The following PPFIBP1 variants were observed in gnomAD, a reference collection of about 807,000 sequenced individuals.
PPFIBP1 encodes the protein PPFIB scaffold protein 1.
A neutral mutation model predicts 137.8 loss-of-function variants in PPFIBP1; 112 were observed. The ratio of observed to expected loss-of-function variants is 0.81; its 90% CI spans 0.70 to 0.95. The LOEUF is 0.95. PPFIBP1 is among the 40% of genes least tolerant of loss of function. The pLI, the probability that PPFIBP1 is intolerant of heterozygous loss-of-function variation, is 0.00. For synonymous variants in PPFIBP1, 378 were observed against 417.3 expected (o/e 0.91, Z 1.15); for missense variants, 1,083 against 1,196.6 (o/e 0.91, Z 1.40).
chr12:27,590,097 G>C (rs1187554647), intron 2 of PPFIBP1, among the ~76,000 whole-genome samples: 2 of 152,144 alleles, frequency 1.3e-5, no homozygotes, highest in African/African-American at 4.8e-5. Context: ...ATATAGACAG[G>C]ATACATTAAA....
At chr12:27,647,498 C>A (rs566851642) in intron 5 of PPFIBP1, among the ~76,000 whole-genome samples, 12 of 152,280 alleles carry the variant, frequency 7.9e-5, no homozygotes, top group South Asian at 4.1e-4. Context: ...ATTGTACATT[C>A]CTAATCTACA....
At chr12:27,681,174 T>G (rs1440868327) in intron 21 of PPFIBP1, among the ~76,000 whole-genome samples, 4 of 152,226 alleles carry the variant, frequency 2.6e-5, no homozygotes, top group Non-Finnish European at 5.9e-5. Context: ...CTGCTAAAGT[T>G]AGTTCAAATT....
At chr12:27,654,012 G>A (rs1426426948) in intron 7 of PPFIBP1, among the ~76,000 whole-genome samples, 1 of 152,168 alleles carries the variant, frequency 6.6e-6, no homozygotes, top group Non-Finnish European at 1.5e-5. Context: ...TTGCTAAAAT[G>A]TATGCACATA....
chr12:27,592,326 G>A, intron 2 of PPFIBP1: 1 of 565,400 alleles, frequency 1.8e-6, no homozygotes, highest in Non-Finnish European at 3.1e-6. Context: ...AAGATGGTGT[G>A]CTGGAAGAGG....
chr12:27,692,896 A>G lies in PPFIBP1; in HGVS notation c.*14A>G. ...TCAAACGTTTGACCGTAGCACCTGGATGAACATTAGGAGTGCTTAGTCTTT... is the reference window on the plus strand; with the variant it reads ...TCAAACGTTTGACCGTAGCACCTGGGTGAACATTAGGAGTGCTTAGTCTTT... On this transcript the variant is annotated 3_prime_UTR_variant, in exon 30 of 30. Coordinates refer to ENST00000228425, the MANE Select transcript of PPFIBP1 (RefSeq NM_003622.4). 1 of 1,614,022 alleles carries G rather than the reference A, an allele frequency of 6.2e-7. No individual in the cohort carries two copies. Among genetic ancestry groups the G allele is most frequent in the Non-Finnish European group, 8.5e-7 (1 of 1,179,976 alleles).
intron 2 of PPFIBP1, among the ~76,000 whole-genome samples, chr12:27,631,590 A>G (rs910171564): frequency 1.3e-5 from 2 of 152,204 alleles, no homozygotes; most frequent in Non-Finnish European, 2.9e-5. Flanking sequence ...TATTAAATGA[A>G]GGGATTCGTC....
At chr12:27,657,359 C>A (rs1447272667) in intron 9 of PPFIBP1, among the ~76,000 whole-genome samples, 3 of 151,770 alleles carry the variant, frequency 2.0e-5, no homozygotes, top group Admixed American at 6.6e-5. Context: ...GAATGAAATA[C>A]ATTTTTAAAA....
At chr12:27,617,801 G>A (rs1247377358) in intron 2 of PPFIBP1, among the ~76,000 whole-genome samples, 1 of 152,146 alleles carries the variant, frequency 6.6e-6, no homozygotes, top group Admixed American at 6.6e-5. Context: ...GTATGTATAT[G>A]AGTAAATGTA....
chr12:27,679,042 T>C (rs977060028), intron 19 of PPFIBP1, among the ~76,000 whole-genome samples: 6 of 151,834 alleles, frequency 4.0e-5, no homozygotes, highest in African/African-American at 1.5e-4. Flanking sequence ...ATTTAGAATA[T>C]AATCTTAAAG....
chr12:27,549,838 GGTCTGACACCCTCACCAGGGAGA>G lies in PPFIBP1; in HGVS notation c.-124+25476_-124+25498del, dbSNP rs528285096. Among the ~76,000 whole-genome samples the G allele has an allele frequency of 2.7e-4, 41 of 152,226 alleles. 1 individual carries two copies. The South Asian group carries it at 8.5e-3, about 32-fold the overall frequency. On this transcript the variant is annotated intron_variant, in intron 1 of 29. Transcript: ENST00000228425. Reference sequence around the variant, plus strand: ...GGCCCCCATTCACCTGGTGTAGGAGGGTCTGACACCCTCACCAGGGAGAGTGCTATTTGGCTGTTTTGAAGGCG... The same window carrying G: ...GGCCCCCATTCACCTGGTGTAGGAGGGTGCTATTTGGCTGTTTTGAAGGCG...
At position 27,691,713 on chromosome 12, in the gene PPFIBP1, ATCCTTTGG is replaced by A. The variant is rs1325421726; in HGVS notation, c.2686-35_2686-28del. The A allele has an allele frequency of 1.9e-6, 3 of 1,566,084 alleles. No homozygotes were observed. In the African/African-American group the frequency reaches 4.1e-5, roughly 21 times the overall value. On this transcript the variant is annotated intron_variant, in intron 27 of 29. Coordinates refer to ENST00000228425, the MANE Select transcript of PPFIBP1 (RefSeq NM_003622.4). The stretch of plus-strand genomic sequence containing the variant: ...GCCTTGATTATATGAATTTTATCAA[ATCCTTTGG>A]ATGTTTTTGTTTGCTTTTCTTTTAA...
At chr12:27,629,150 A>G (rs1343937061) in intron 2 of PPFIBP1, among the ~76,000 whole-genome samples, 2 of 152,222 alleles carry the variant, frequency 1.3e-5, no homozygotes, top group Non-Finnish European at 2.9e-5. Context: ...AAACGGTATT[A>G]TTAATTCATC....
intron 2 of PPFIBP1, among the ~76,000 whole-genome samples, chr12:27,585,291 TG>T (rs2051599133): frequency 6.6e-6 from 1 of 152,232 alleles, no homozygotes. Flanking sequence ...AGTAGAAAGA[TG>T]TGGATATTCT....
intron 1 of PPFIBP1, among the ~76,000 whole-genome samples, chr12:27,541,726 GGGCTT>G (rs1945688468): frequency 1.3e-5 from 2 of 152,100 alleles, no homozygotes; most frequent in Admixed American, 6.5e-5. Flanking sequence ...CCTTTCACTA[GGGCTT>G]TTATAGATGC....
Position 27,637,944 on chromosome 12 carries a change from G to A in PPFIBP1, c.270+2829G>A, listed in dbSNP as rs555833103. 1.5e-3 allele frequency among the ~76,000 whole-genome samples: 232 copies of A among 152,084 alleles called. 1 individual carries two copies. The highest frequency in any genetic ancestry group is 2.6e-3 in the Non-Finnish European group (179 of 68,010). Reference sequence around the variant, plus strand: ...TGGGTATATGTATACATTTTAGCTCGGATCCTTCCTCCCTTCCTCTCTCCC... The same window carrying A: ...TGGGTATATGTATACATTTTAGCTCAGATCCTTCCTCCCTTCCTCTCTCCC... On this transcript the variant is annotated intron_variant, in intron 4 of 29. Transcript: ENST00000228425.
At chr12:27,624,819 T>C (rs2056671303) in intron 2 of PPFIBP1, among the ~76,000 whole-genome samples, 1 of 152,180 alleles carries the variant, frequency 6.6e-6, no homozygotes, top group Admixed American at 6.5e-5. Flanking sequence ...TTTATAAATA[T>C]TTGGTGAGCC....
chr12:27,586,759 A>G lies in PPFIBP1; in HGVS notation c.-36+8520A>G, dbSNP rs562557613. 2.6e-5 allele frequency among the ~76,000 whole-genome samples: 4 copies of G among 152,258 alleles called. No homozygotes were observed. In the South Asian group the frequency reaches 8.3e-4, roughly 32 times the overall value. On this transcript the variant is annotated intron_variant, in intron 2 of 29. Coordinates refer to ENST00000228425, the MANE Select transcript of PPFIBP1 (RefSeq NM_003622.4). The stretch of plus-strand genomic sequence containing the variant: ...CCTCAGAAGTCCCCCAGAATGCACA[A>G]TGCATTATATAGTGACTATGCCTGT...
At chr12:27,672,715 C>T (rs1298384962) in intron 15 of PPFIBP1, among the ~76,000 whole-genome samples, 2 of 152,048 alleles carry the variant, frequency 1.3e-5, no homozygotes, top group African/African-American at 4.8e-5. Context: ...GATCTCATGC[C>T]GGGGTTTTGC....
At chr12:27,605,309 T>G (rs79048916) in intron 2 of PPFIBP1, among the ~76,000 whole-genome samples, 1 of 152,312 alleles carries the variant, frequency 6.6e-6, no homozygotes, top group East Asian at 1.9e-4. Flanking sequence ...TTTTAAAACC[T>G]ACCAAGAGCA....
Sources: allele counts gnomAD v4.1 joint callset (sites outside exome capture counted in the v4.1 genomes callset), GRCh38; gene constraint gnomAD v4.1.1; transcripts MANE v1.5; gene names NCBI Gene and HGNC (gene_info 2026-07-23, HGNC 2026-07-21).